The following MEI4 variants were observed in gnomAD, a reference collection of about 807,000 sequenced individuals.
MEI4 encodes the protein meiosis-specific protein MEI4.
In MEI4, 27 loss-of-function variants were observed where a neutral mutation model predicts 31.4. The observed-to-expected ratio is 0.86, with a 90% CI of 0.63 to 1.19. The LOEUF is 1.19. Among genes scored for constraint, MEI4 ranks in the 50% most tolerant of loss-of-function variants. The pLI is 0.00. For missense variants in MEI4, 329 were observed against 398.9 expected, an observed-to-expected ratio of 0.82 and a Z score of 1.49; for synonymous variants, 122 against 145.4, an observed-to-expected ratio of 0.84 and a Z score of 1.16.
Position 77,761,397 on chromosome 6 carries a change from G to A in MEI4, c.500G>A (p.Gly167Asp). 2 of 1,232,100 alleles carry A rather than the reference G, an allele frequency of 1.6e-6. No individual in the cohort carries two copies. The highest frequency in any genetic ancestry group is 2.0e-6 in the Non-Finnish European group (2 of 987,932). 76.3% of individuals were successfully genotyped at this position (1,232,100 alleles called of 1,614,324 possible). Residue 167 changes from glycine (G) to aspartate (D), a missense_variant, in exon 3 of 5, where the codon GGT (glycine) becomes GAT (aspartate). Coordinates refer to ENST00000684080, the MANE Select transcript of MEI4 (RefSeq NM_001322247.2). ...GAATTAAAGAACTTGACAGAATCAG[G>A]TAATCTTAAAAGAGACTTAACCCAC... ...LLELKNLTES[G>D]NLKRDLTHFE...
intron 2 of MEI4, chr6:77,716,913 T>G: frequency 4.2e-6 from 4 of 956,432 alleles, no homozygotes; most frequent in Non-Finnish European, 5.0e-6. Flanking sequence ...GTCACTTGCT[T>G]ACTCACAGCT....
chr6:77,874,714 C>T (rs1771286785), intron 4 of MEI4, among the ~76,000 whole-genome samples: 1 of 152,020 alleles, frequency 6.6e-6, no homozygotes, highest in South Asian at 2.1e-4. Flanking sequence ...CCAGTTTTTG[C>T]CCATTCAGTA....
chr6:77,804,521 G>A (rs753476649), intron 3 of MEI4, among the ~76,000 whole-genome samples: 1 of 152,186 alleles, frequency 6.6e-6, no homozygotes, highest in Non-Finnish European at 1.5e-5. Context: ...TGGAAATGCA[G>A]AAATCACCCG....
intron 2 of MEI4, among the ~76,000 whole-genome samples, chr6:77,741,971 A>T (rs1582087858): frequency 6.6e-6 from 1 of 152,020 alleles, no homozygotes. Context: ...ATGGCTGCAT[A>T]GTACTCCATG....
chr6:77,828,839 C>A, intron 3 of MEI4, 92 bp from the exon 4 acceptor site: 1 of 942,094 alleles, frequency 1.1e-6, no homozygotes, highest in Non-Finnish European at 1.4e-6. Context: ...TTTTTATATT[C>A]CTCACAGCAT....
intron 3 of MEI4, among the ~76,000 whole-genome samples, 173 bp downstream of exon 3, chr6:77,761,838 C>G (rs569491181): frequency 1.8e-4 from 28 of 152,302 alleles, no homozygotes; most frequent in African/African-American, 6.7e-4. Context: ...CTTCTAGCCT[C>G]TGATTGCTAC....
At chr6:77,771,300 A>C (rs1408630001) in intron 3 of MEI4, among the ~76,000 whole-genome samples, 1 of 152,106 alleles carries the variant, frequency 6.6e-6, no homozygotes, top group East Asian at 1.9e-4. Flanking sequence ...AGATGCTGGC[A>C]AGGTTGTGGA....
chr6:77,748,449 CTACAACTGGAGCTGGAGCAGCTGGGA>C (rs1259435700), intron 2 of MEI4, among the ~76,000 whole-genome samples: 1 of 152,216 alleles, frequency 6.6e-6, no homozygotes, highest in African/African-American at 2.4e-5. Context: ...CCCCTTTCAG[CTACAACTGGAGCTGGAGCAGCTGGGA>C]TACAGGGCAC....
intron 4 of MEI4, among the ~76,000 whole-genome samples, chr6:77,889,824 A>G (rs1771715088): frequency 6.6e-6 from 1 of 152,202 alleles, no homozygotes; most frequent in African/African-American, 2.4e-5. Flanking sequence ...CTGCTGCTTT[A>G]GCTCTAGCTG....
chr6:77,834,671 G>A (rs12215726), intron 4 of MEI4, among the ~76,000 whole-genome samples: 66,789 of 151,628 alleles, frequency 0.44, 15,398 homozygotes, highest in South Asian at 0.52. Context: ...ACTGGGCCCC[G>A]ATCAGATAGT....
intron 4 of MEI4, among the ~76,000 whole-genome samples, chr6:77,854,081 G>T (rs1334840561): frequency 6.6e-6 from 1 of 152,050 alleles, no homozygotes; most frequent in Non-Finnish European, 1.5e-5. Flanking sequence ...AAGCCATATG[G>T]TTTTTGAATT....
intron 1 of MEI4, among the ~76,000 whole-genome samples, chr6:77,660,556 TG>T (rs1040306891): frequency 1.5e-4 from 22 of 150,544 alleles, no homozygotes; most frequent in Admixed American, 4.0e-4. Flanking sequence ...TAGTTTTTTT[TG>T]GGGGGGCTTG....
chr6:77,862,777 C>G (rs188695504), intron 4 of MEI4, among the ~76,000 whole-genome samples: 1 of 152,196 alleles, frequency 6.6e-6, no homozygotes, highest in Non-Finnish European at 1.5e-5. Context: ...AGACGGCCTC[C>G]TCAAGTGGGT....
chr6:77,787,339 C>T (rs760680233), intron 3 of MEI4, among the ~76,000 whole-genome samples: 19 of 152,140 alleles, frequency 1.2e-4, no homozygotes, highest in Non-Finnish European at 2.1e-4. Context: ...CAGTTTATTT[C>T]CAGCCCTAAT....
chr6:77,879,692 G>T (rs1771431978), intron 4 of MEI4, among the ~76,000 whole-genome samples: 1 of 152,144 alleles, frequency 6.6e-6, no homozygotes, highest in African/African-American at 2.4e-5. Context: ...GCCATCTGCG[G>T]TATATACTTC....
In MEI4 at chr6:77,924,519, T is replaced by C. The variant is rs1299427898; in HGVS notation, c.*1173T>C. On this transcript the variant is annotated 3_prime_UTR_variant, in exon 5 of 5. Transcript: ENST00000684080. Reference sequence around the variant, plus strand: ...CAGTGGCATACAACAATAATATTTCTCAGATATATGCAGGTCACTCAAGGA... The same window carrying C: ...CAGTGGCATACAACAATAATATTTCCCAGATATATGCAGGTCACTCAAGGA... 1 of 151,834 alleles carries C rather than the reference T, an allele frequency of 6.6e-6. No homozygotes were observed. The highest frequency in any genetic ancestry group is 1.5e-5 in the Non-Finnish European group (1 of 67,884). 9.4% of individuals were successfully genotyped at this position (151,834 alleles called of 1,614,324 possible). A position where few individuals can be genotyped will look rare whatever the true frequency, so the allele number is the denominator to read the frequency against.
intron 3 of MEI4, among the ~76,000 whole-genome samples, chr6:77,786,866 A>C: frequency 6.6e-6 from 1 of 152,234 alleles, no homozygotes; most frequent in African/African-American, 2.4e-5. Context: ...AAAGAATATT[A>C]ACAAAGGAAG....
At chr6:77,840,405 G>A (rs1204812110) in intron 4 of MEI4, among the ~76,000 whole-genome samples, 2 of 151,974 alleles carry the variant, frequency 1.3e-5, no homozygotes, top group Non-Finnish European at 2.9e-5. Flanking sequence ...GTCCCTAAAG[G>A]AAAAGGGAAA....
chr6:77,864,958 G>C (rs1474144660), intron 4 of MEI4, among the ~76,000 whole-genome samples: 17 of 152,166 alleles, frequency 1.1e-4, no homozygotes, highest in Non-Finnish European at 2.4e-4. Context: ...CATGGAAACT[G>C]AACAACCTGC....
Sources: gnomAD v4.1 joint callset for allele counts (sites outside exome capture counted in the v4.1 genomes callset) on GRCh38, gnomAD v4.1.1 for gene constraint, MANE v1.5 for transcripts, NCBI Gene and HGNC (gene_info 2026-07-23, HGNC 2026-07-21) for gene names.